Variants in XIRP2 observed in about 807,000 individuals in gnomAD.
The protein encoded by XIRP2 is xin actin-binding repeat-containing protein 2.
A neutral mutation model predicts 277.0 loss-of-function variants in XIRP2; 236 were observed. The ratio of observed to expected loss-of-function variants is 0.85; its 90% CI spans 0.77 to 0.95. XIRP2 has a LOEUF of 0.95. Ranked by LOEUF, XIRP2 falls within the 40% of genes least tolerant of loss-of-function variation. The pLI, the probability that XIRP2 is intolerant of heterozygous loss-of-function variation, is 0.00. For missense variants in XIRP2, 4,640 were observed against 4,157.5 expected (o/e 1.12, Z -3.19); for synonymous variants, 1,490 against 1,416.5 (o/e 1.05, Z -1.17).
intron 3 of XIRP2, among the ~76,000 whole-genome samples, chr2:167,176,208 A>G (rs1284401368): frequency 1.3e-5 from 2 of 152,136 alleles, no homozygotes; most frequent in Admixed American, 6.5e-5. Flanking sequence ...CTGCCCAAAC[A>G]GCTGCCCAGT....
intron 2 of XIRP2, among the ~76,000 whole-genome samples, chr2:167,027,199 A>C (rs1688187739): frequency 6.6e-6 from 1 of 151,768 alleles, no homozygotes; most frequent in Non-Finnish European, 1.5e-5. Context: ...GGCTTTGTTC[A>C]TTTCTTTTTA....
At chr2:167,030,568 G>A (rs188564607) in intron 2 of XIRP2, among the ~76,000 whole-genome samples, 1 of 152,234 alleles carries the variant, frequency 6.6e-6, no homozygotes, top group Non-Finnish European at 1.5e-5. Flanking sequence ...ATTGCACTGT[G>A]GTCTGAGAGA....
At chr2:166,950,062 C>T (rs1271341469) in intron 2 of XIRP2, among the ~76,000 whole-genome samples, 1 of 151,916 alleles carries the variant, frequency 6.6e-6, no homozygotes, top group East Asian at 1.9e-4. Flanking sequence ...ATAAATAGTA[C>T]TAGTGTAGTT....
chr2:166,928,942 AG>A (rs945342505), intron 2 of XIRP2, among the ~76,000 whole-genome samples: 2 of 152,110 alleles, frequency 1.3e-5, no homozygotes, highest in Non-Finnish European at 2.9e-5. Flanking sequence ...ACAGTTCCTT[AG>A]AATTGCCACC....
intron 5 of XIRP2, among the ~76,000 whole-genome samples, 158 bp downstream of exon 5, chr2:167,218,458 C>T (rs1379044414): frequency 6.6e-6 from 1 of 152,114 alleles, no homozygotes; most frequent in Admixed American, 6.5e-5. Flanking sequence ...ATCTTTAAAG[C>T]ATATATATGT....
At chr2:167,223,897 C>G (rs1274362469) in intron 5 of XIRP2, among the ~76,000 whole-genome samples, 1 of 152,160 alleles carries the variant, frequency 6.6e-6, no homozygotes, top group African/African-American at 2.4e-5. Context: ...GTCAGAGAGA[C>G]TGTGTTATAA....
chr2:166,983,706 A>G (rs1686931013), intron 2 of XIRP2, among the ~76,000 whole-genome samples: 1 of 152,194 alleles, frequency 6.6e-6, no homozygotes, highest in South Asian at 2.1e-4. Flanking sequence ...TTTTCTATGG[A>G]GAAGTTTGGT....
At chr2:167,193,607 G>A (rs1044008914) in intron 3 of XIRP2, among the ~76,000 whole-genome samples, 1 of 152,104 alleles carries the variant, frequency 6.6e-6, no homozygotes, top group Non-Finnish European at 1.5e-5. Flanking sequence ...GCTGGGCATG[G>A]TGCCTCACAC....
At chr2:166,900,127 T>C (rs763104881) in intron 1 of XIRP2, among the ~76,000 whole-genome samples, 37 of 152,068 alleles carry the variant, frequency 2.4e-4, no homozygotes, top group Non-Finnish European at 2.5e-4. Flanking sequence ...GAATTTTAGA[T>C]CTTTTTTATA....
At chr2:166,889,178 G>A (rs548112379) in intron 1 of XIRP2, among the ~76,000 whole-genome samples, 1 of 152,300 alleles carries the variant, frequency 6.6e-6, no homozygotes, top group East Asian at 1.9e-4. Context: ...ACAAATGGAA[G>A]CTCTTCTTAC....
intron 4 of XIRP2, among the ~76,000 whole-genome samples, chr2:167,213,501 G>A (rs1431988536): frequency 6.6e-6 from 1 of 152,158 alleles, no homozygotes; most frequent in East Asian, 1.9e-4. Flanking sequence ...ACTGTTAGGT[G>A]TTCAAATTAG....
chr2:167,177,553 G>T (rs1692881805), intron 3 of XIRP2, among the ~76,000 whole-genome samples: 1 of 152,098 alleles, frequency 6.6e-6, no homozygotes, highest in African/African-American at 2.4e-5. Context: ...TTCTCAATTT[G>T]TAGGCATTTA....
At chr2:167,227,191 T>C (rs1374065550) in intron 5 of XIRP2, among the ~76,000 whole-genome samples, 1 of 152,156 alleles carries the variant, frequency 6.6e-6, no homozygotes, top group Non-Finnish European at 1.5e-5. Context: ...CTTCTTCTTA[T>C]GTTGACATTT....
intron 3 of XIRP2, among the ~76,000 whole-genome samples, chr2:167,155,064 A>G (rs1042931233): frequency 1.3e-5 from 2 of 151,740 alleles, no homozygotes; most frequent in Non-Finnish European, 2.9e-5. Context: ...TGAATCTCTG[A>G]ATAGACCAAT....
intron 3 of XIRP2, among the ~76,000 whole-genome samples, chr2:167,164,727 T>C (rs191751070): frequency 8.5e-5 from 13 of 152,298 alleles, no homozygotes; most frequent in Admixed American, 2.6e-4. Flanking sequence ...TTAATGGACA[T>C]TATTTTTAAT....
chr2:167,031,565 C>T (rs1688350127), intron 2 of XIRP2, among the ~76,000 whole-genome samples: 1 of 152,062 alleles, frequency 6.6e-6, no homozygotes, highest in Non-Finnish European at 1.5e-5. Context: ...CCCATGGTCC[C>T]AGCACAAAAA....
At chr2:167,115,995 A>G (rs1427936059) in intron 2 of XIRP2, among the ~76,000 whole-genome samples, 1 of 152,116 alleles carries the variant, frequency 6.6e-6, no homozygotes, top group Non-Finnish European at 1.5e-5. Flanking sequence ...GGTCAGAAAA[A>G]CACACTATGA....
intron 2 of XIRP2, among the ~76,000 whole-genome samples, chr2:167,117,567 A>G (rs1171443038): frequency 6.6e-6 from 1 of 152,226 alleles, no homozygotes; most frequent in Non-Finnish European, 1.5e-5. Context: ...AGCTTCTCCA[A>G]AAAATCTCAC....
At chr2:167,078,824 T>G (rs1689651065) in intron 2 of XIRP2, among the ~76,000 whole-genome samples, 1 of 114,954 alleles carries the variant, frequency 8.7e-6, no homozygotes, top group Non-Finnish European at 1.8e-5. Context: ...AGCGACACAG[T>G]GAGACTCCGT....
Sources: gnomAD v4.1 joint callset for allele counts (sites outside exome capture counted in the v4.1 genomes callset) on GRCh38, gnomAD v4.1.1 for gene constraint, MANE v1.5 for transcripts, NCBI Gene and HGNC (gene_info 2026-07-23, HGNC 2026-07-21) for gene names.